NME9: variants seen among roughly 807,000 people sequenced by gnomAD.
The protein encoded by NME9 is NME/NM23 family member 9, also known as thioredoxin domain-containing protein 6.
Under a neutral mutation model 44.4 loss-of-function variants are expected in NME9, and 48 were observed. The observed-to-expected ratio is 1.08, with a 90% CI of 0.86 to 1.37. The LOEUF is 1.37. NME9 is among the 40% of genes most tolerant of loss of function. The probability of loss-of-function intolerance (pLI) is 0.00; values close to 1 mark genes in which losing one functional copy is unlikely to be tolerated. For synonymous variants in NME9, 139 were observed against 147.1 expected (o/e 0.94, Z 0.40); for missense variants, 325 against 405.2 (o/e 0.80, Z 1.70).
chr3:138,267,370 A>G, intron 8 of NME9: 1 of 562,690 alleles, frequency 1.8e-6, no homozygotes, highest in African/African-American at 1.9e-5. Flanking sequence ...GTTTGATTGC[A>G]TAGCGGTAGG....
intron 2 of NME9, among the ~76,000 whole-genome samples, chr3:138,320,158 C>T (rs1421287123): frequency 1.3e-5 from 2 of 152,020 alleles, no homozygotes. Flanking sequence ...TTCTTTAATC[C>T]CAATCTATAG....
chr3:138,267,335 T>C, intron 8 of NME9: 1 of 744,388 alleles, frequency 1.3e-6, no homozygotes, highest in African/African-American at 1.8e-5. Context: ...ATCTGTGGGT[T>C]GGGTTTAAAA....
chr3:138,288,453 G>C (rs1158894842), intron 8 of NME9, among the ~76,000 whole-genome samples: 2 of 152,140 alleles, frequency 1.3e-5, no homozygotes, highest in Non-Finnish European at 2.9e-5. Flanking sequence ...CCCTAGAGGT[G>C]TTTTGTTTGT....
At chr3:138,293,276 T>C (rs943067282) in intron 8 of NME9, among the ~76,000 whole-genome samples, 5 of 152,228 alleles carry the variant, frequency 3.3e-5, no homozygotes, top group Non-Finnish European at 7.3e-5. Context: ...GCGCGGTGGC[T>C]CACGCCTGTA....
At chr3:138,296,040 C>G, downstream of NME9, 1 of 618,558 alleles carries the variant, frequency 1.6e-6, no homozygotes, top group South Asian at 2.8e-5. Flanking sequence ...GCTTAGATCT[C>G]AAATTCATCT....
chr3:138,308,957 A>AC (rs2052487625), intron 6 of NME9, among the ~76,000 whole-genome samples: 1 of 150,980 alleles, frequency 6.6e-6, no homozygotes, highest in African/African-American at 2.4e-5. Context: ...AAAAAAAAAA[A>AC]AAAAAAAAAA....
At chr3:138,275,228 A>G (rs778722738) in intron 8 of NME9, among the ~76,000 whole-genome samples, 1 of 152,228 alleles carries the variant, frequency 6.6e-6, no homozygotes, top group Non-Finnish European at 1.5e-5. Context: ...GTTTTTTGAC[A>G]TAGGTTTTGG....
intron 1 of NME9, among the ~76,000 whole-genome samples, chr3:138,328,932 T>G (rs1041299537): frequency 9.9e-5 from 15 of 152,230 alleles, no homozygotes; most frequent in African/African-American, 2.9e-4. Context: ...GTATTCTCTG[T>G]GCAAGCTGCA....
intron 2 of NME9, among the ~76,000 whole-genome samples, chr3:138,323,321 C>A (rs2053581627): frequency 6.6e-6 from 1 of 152,168 alleles, no homozygotes; most frequent in African/African-American, 2.4e-5. Context: ...GAGGCTGAGG[C>A]AGGAGAATCG....
chr3:138,269,807 TTTTGTTTTCTTTC>T (rs2048609522), intron 8 of NME9, among the ~76,000 whole-genome samples: 1 of 144,052 alleles, frequency 6.9e-6, no homozygotes, highest in African/African-American at 2.6e-5. Context: ...AGTGGTTTGG[TTTTGTTTTCTTTC>T]TTTTTTTTTT....
At chr3:138,296,212 A>G (rs2051469317), downstream of NME9, 2 of 268,872 alleles carry the variant, frequency 7.4e-6, no homozygotes, top group Non-Finnish European at 1.4e-5. Flanking sequence ...GTGAGAATGA[A>G]TATGTCTGTG....
chr3:138,274,088 G>A lies in NME9; in HGVS notation c.746-11502C>T, dbSNP rs138427000. Among the ~76,000 whole-genome samples, 203 of 152,276 alleles carry A rather than the reference G, an allele frequency of 1.3e-3. No homozygotes were observed. In the Middle Eastern group the frequency reaches 0.017, roughly 13 times the overall value. On this transcript the variant is annotated intron_variant, in intron 8 of 8. Transcript: ENST00000317876. ...CCACCTCGGCCCCCCAAAGTGCTGGGATTACAGGCGTGAGCGTACCGTACT... is the reference window on the plus strand; with the variant it reads ...CCACCTCGGCCCCCCAAAGTGCTGGAATTACAGGCGTGAGCGTACCGTACT...
chr3:138,308,299 A>G (rs554702465), intron 6 of NME9, among the ~76,000 whole-genome samples: 1 of 152,304 alleles, frequency 6.6e-6, no homozygotes, highest in South Asian at 2.1e-4. Context: ...TATTTCAAGC[A>G]ATAATTTAAA....
intron 6 of NME9, among the ~76,000 whole-genome samples, chr3:138,310,433 A>G (rs760657499): frequency 6.6e-6 from 1 of 151,784 alleles, no homozygotes; most frequent in Non-Finnish European, 1.5e-5. Context: ...TGATATTTAC[A>G]GAAGATTTCA....
At chr3:138,322,167 C>T (rs1367360099) in intron 2 of NME9, among the ~76,000 whole-genome samples, 3 of 152,196 alleles carry the variant, frequency 2.0e-5, no homozygotes, top group Middle Eastern at 3.4e-3. Flanking sequence ...ACTTAGAGGG[C>T]CCTGTACACA....
intron 1 of NME9, among the ~76,000 whole-genome samples, chr3:138,328,787 A>T (rs1002818381): frequency 1.3e-5 from 2 of 152,206 alleles, no homozygotes; most frequent in African/African-American, 4.8e-5. Flanking sequence ...TCTATATAAC[A>T]TATGTCCAGC....
chr3:138,322,410 GTTTGA>G (rs1053017586), intron 2 of NME9, among the ~76,000 whole-genome samples: 11 of 151,968 alleles, frequency 7.2e-5, no homozygotes, highest in Non-Finnish European at 1.0e-4. Flanking sequence ...GAGAGGAAGT[GTTTGA>G]TTTGACTCCG....
chr3:138,296,678 A>C (rs992252525), downstream of NME9: 19 of 152,184 alleles, frequency 1.2e-4, no homozygotes, highest in African/African-American at 3.6e-4. Context: ...TTTTCATCCT[A>C]ATTCAGTAAG....
At chr3:138,289,789 A>T (rs1252174209) in intron 8 of NME9, among the ~76,000 whole-genome samples, 1 of 152,134 alleles carries the variant, frequency 6.6e-6, no homozygotes, top group Admixed American at 6.5e-5. Context: ...CATTAGAATC[A>T]CCTGGGGAAG....
Sources: allele counts gnomAD v4.1 joint callset (sites outside exome capture counted in the v4.1 genomes callset), GRCh38; gene constraint gnomAD v4.1.1; transcripts MANE v1.5; gene names NCBI Gene and HGNC (gene_info 2026-07-23, HGNC 2026-07-21).